The following INTS2 variants were observed in gnomAD, a reference collection of about 807,000 sequenced individuals.
INTS2 encodes KIAA1287.
A neutral mutation model predicts 139.6 loss-of-function variants in INTS2; 57 were observed. That is an observed-to-expected ratio of 0.41 (90% CI 0.33 to 0.51). The LOEUF (loss-of-function observed/expected upper bound fraction) is 0.51, where lower values mean the gene tolerates loss of function less well. Ranked by LOEUF, INTS2 falls within the 20% of genes least tolerant of loss-of-function variation. The probability of loss-of-function intolerance (pLI) is 0.28; values close to 1 mark genes in which losing one functional copy is unlikely to be tolerated. For synonymous variants in INTS2, 473 were observed against 493.4 expected (o/e 0.96, Z 0.55); for missense variants, 1,196 against 1,436.7 (o/e 0.83, Z 2.71).
At chr17:61,895,451 T>C (rs1284828429) in intron 11 of INTS2, 68 bp from the exon 12 acceptor site, 1 of 898,436 alleles carries the variant, frequency 1.1e-6, no homozygotes, top group African/African-American at 1.7e-5. Context: ...CTAGGGAACT[T>C]ATCTAAAATG....
intron 16 of INTS2, among the ~76,000 whole-genome samples, chr17:61,883,412 C>T (rs367689901): frequency 6.6e-6 from 1 of 150,598 alleles, no homozygotes; most frequent in Non-Finnish European, 1.5e-5. Context: ...ATCCGGTTAA[C>T]GATGAGCAAT....
intron 2 of INTS2, 116 bp downstream of exon 2, chr17:61,926,235 TA>T: frequency 1.2e-6 from 1 of 806,916 alleles, no homozygotes. Flanking sequence ...AAGACCTAAG[TA>T]AAATGCTCTC....
At chr17:61,900,850 C>G (rs571390337) in intron 9 of INTS2, among the ~76,000 whole-genome samples, 2 of 152,080 alleles carry the variant, frequency 1.3e-5, no homozygotes, top group Non-Finnish European at 2.9e-5. Flanking sequence ...CCCAGCTACT[C>G]GGGAGGCTAA....
At chr17:61,924,380 G>A (rs968888730) in intron 3 of INTS2, among the ~76,000 whole-genome samples, 1 of 152,162 alleles carries the variant, frequency 6.6e-6, no homozygotes, top group Non-Finnish European at 1.5e-5. Flanking sequence ...AAGCCACTGT[G>A]TATGGATTCC....
chr17:61,897,248 A>G lies in INTS2; in HGVS notation c.1494+221T>C, dbSNP rs2145936698. On this transcript the variant is annotated intron_variant, in intron 11 of 24. Coordinates refer to ENST00000251334, the MANE Select transcript of INTS2 (RefSeq NM_001351695.2). The surrounding 1 kb of genome is among the most constrained non-coding windows in gnomAD (Gnocchi z 4.4). Reference sequence around the variant, plus strand: ...CTAGGTATCTCTGAATCATGGAATTATAAGATATCTTTCCCTTTTCTGTGC... The same window carrying G: ...CTAGGTATCTCTGAATCATGGAATTGTAAGATATCTTTCCCTTTTCTGTGC... Among the ~76,000 whole-genome samples the G allele has an allele frequency of 6.6e-6, 1 of 152,318 alleles. No individual in the cohort carries two copies. Among genetic ancestry groups the G allele is most frequent in the South Asian group, 2.1e-4 (1 of 4,826 alleles).
chr17:61,878,911 T>G (rs1322226059), intron 17 of INTS2, among the ~76,000 whole-genome samples: 1 of 99,874 alleles, frequency 1.0e-5, no homozygotes, highest in Admixed American at 1.6e-4. Context: ...ACCTTGAGAC[T>G]GGGCAACAGA....
intron 8 of INTS2, among the ~76,000 whole-genome samples, chr17:61,906,776 G>C (rs2079467615): frequency 6.7e-6 from 1 of 149,932 alleles, no homozygotes; most frequent in African/African-American, 2.5e-5. Context: ...CCTGAGGTAA[G>C]GAGTTCAAGA....
chr17:61,899,911 A>C (rs1411277855), intron 9 of INTS2, among the ~76,000 whole-genome samples: 1 of 27,884 alleles, frequency 3.6e-5, no homozygotes, highest in Non-Finnish European at 5.6e-5. Flanking sequence ...GATCCTATCT[A>C]AAAAAAAAAA....
At chr17:61,919,094 T>A (rs2079612655) in intron 5 of INTS2, among the ~76,000 whole-genome samples, 1 of 152,094 alleles carries the variant, frequency 6.6e-6, no homozygotes, top group South Asian at 2.1e-4. Context: ...CCAGCTAATT[T>A]TTGTATTTTT....
rs2079212816 is a variant in INTS2 at position 61,884,986 on chromosome 17, G to C, written c.2004C>G (p.Pro668=). 1 of 1,599,400 alleles carries C rather than the reference G, an allele frequency of 6.3e-7. No homozygotes were observed. Among genetic ancestry groups the C allele is most frequent in the South Asian group, 1.1e-5 (1 of 88,510 alleles). Residue 668 remains proline, a synonymous_variant, in exon 16 of 25, where the codon CCC becomes CCG. Transcript: ENST00000251334. ...TKTLAAMQRK[P]KSYSSSLMDQ... Reference sequence around the variant, plus strand: ...CCATTAAAGAAGAAGAATATGATTTGGGCTTTCTTTGCATGGCAGCTATCA... The same window carrying C: ...CCATTAAAGAAGAAGAATATGATTTCGGCTTTCTTTGCATGGCAGCTATCA...
chr17:61,924,873 C>T (rs571757455), intron 3 of INTS2, 88 bp downstream of exon 3: 14 of 1,343,962 alleles, frequency 1.0e-5, no homozygotes, highest in Admixed American at 2.1e-5. Flanking sequence ...ATTCAACCTG[C>T]CTGACTTCTT....
In INTS2 at chr17:61,867,942, T is replaced by G; in HGVS notation, c.3312A>C (p.Arg1104=). The change falls in exon 24 of 25, where the codon CGA becomes CGC. Residue 1104 remains arginine (R), a synonymous_variant. Transcript: ENST00000251334. The surrounding 1 kb of genome is among the most constrained non-coding windows in gnomAD (Gnocchi z 5.6). ...TATCCTCATACAATGGAGGAAATGC[T>G]CGACAAAAAGAGACCAAACTTGGCA... The part of the protein sequence containing the change: ...PTLPSLVSFC[R]AFPPLYEDIM... 1 of 1,612,804 alleles carries G rather than the reference T, an allele frequency of 6.2e-7. No homozygotes were observed. The highest frequency in any genetic ancestry group is 8.5e-7 in the Non-Finnish European group (1 of 1,179,452).
intron 5 of INTS2, among the ~76,000 whole-genome samples, chr17:61,919,054 A>T (rs569540699): frequency 1.3e-5 from 2 of 151,470 alleles, no homozygotes; most frequent in African/African-American, 4.8e-5. Flanking sequence ...CCTCCCCAGT[A>T]GCTGGGACTA....
chr17:61,872,578 T>C lies in INTS2; in HGVS notation c.2583-118A>G, dbSNP rs2079098069. The C allele has an allele frequency of 1.9e-6, 1 of 536,246 alleles. No individual in the cohort carries two copies. Among genetic ancestry groups the C allele is most frequent in the Non-Finnish European group, 3.1e-6 (1 of 321,170 alleles). The allele number at this position is 536,246 out of a possible 1,614,324, so 33.2% of individuals were successfully genotyped here. ...AAAAACCTGAGTAGTACATACTAAC[T>C]TTTCCCACTAAAATATTCATTCTCA... On this transcript the variant is annotated intron_variant, in intron 19 of 24. Transcript: ENST00000251334. The surrounding 1 kb of genome is among the most constrained non-coding windows in gnomAD (Gnocchi z 4.8).
In INTS2 at chr17:61,882,787, C is replaced by T. The variant is rs1220659867; in HGVS notation, c.2090-1616G>A. On this transcript the variant is annotated intron_variant, in intron 16 of 24. Coordinates refer to ENST00000251334, the MANE Select transcript of INTS2 (RefSeq NM_001351695.2). The surrounding 1 kb of genome is among the most constrained non-coding windows in gnomAD (Gnocchi z 4.7). ...TAGTTAATGAATTAACGAAGTACTA[C>T]TATGCTAAGTGCTTCACACATAAGT... 6.6e-6 allele frequency among the ~76,000 whole-genome samples: 1 copy of T among 152,194 alleles called. No homozygotes were observed. Among genetic ancestry groups the T allele is most frequent in the Non-Finnish European group, 1.5e-5 (1 of 68,026 alleles).
intron 12 of INTS2, among the ~76,000 whole-genome samples, chr17:61,894,628 G>T (rs1177332811): frequency 6.6e-6 from 1 of 152,098 alleles, no homozygotes; most frequent in African/African-American, 2.4e-5. Context: ...GAGGTGGGTG[G>T]ATCACCTGAG....
At chr17:61,911,342 C>T (rs149394180) in intron 7 of INTS2, 178 bp downstream of exon 7, 37 of 453,134 alleles carry the variant, frequency 8.2e-5, no homozygotes, top group African/African-American at 3.0e-4. Context: ...AGAAAAAAAG[C>T]CACATAAACA....
rs763058850 is a variant in INTS2 at position 61,869,424 on chromosome 17, T to C, written c.3031-44A>G. On this transcript the variant is annotated intron_variant, in intron 21 of 24. Transcript: ENST00000251334. The surrounding 1 kb of genome is among the most constrained non-coding windows in gnomAD (Gnocchi z 5.4). Reference sequence around the variant, plus strand: ...GGAAAAAAGTCAGAAATAAAATAACTATAAAAGTACAGATAAAAATACAAA... The same window carrying C: ...GGAAAAAAGTCAGAAATAAAATAACCATAAAAGTACAGATAAAAATACAAA... 7.9e-7 allele frequency: 1 copy of C among 1,272,674 alleles called. No individual in the cohort carries two copies. The highest frequency in any genetic ancestry group is 1.3e-5 in the South Asian group (1 of 75,652). 78.8% of individuals were successfully genotyped at this position (1,272,674 alleles called of 1,614,324 possible).
In INTS2 at chr17:61,880,709, G is replaced by A. The variant is rs573969016; in HGVS notation, c.2254+298C>T. On this transcript the variant is annotated intron_variant, in intron 17 of 24. Transcript: ENST00000251334. ...GGAGGCTGCAGTGAGCTGAGATCAC[G>A]CCACTGCACTCCAGCCTGGGTGACA... 4.6e-4 allele frequency among the ~76,000 whole-genome samples: 70 copies of A among 150,612 alleles called. 1 individual carries two copies. The South Asian group carries it at 0.013, about 28-fold the overall frequency.
Sources: gnomAD v4.1 joint callset for allele counts (sites outside exome capture counted in the v4.1 genomes callset) on GRCh38, gnomAD v4.1.1 for gene constraint, Gnocchi (gnomAD v3.1) non-coding constraint, MANE v1.5 for transcripts, NCBI Gene and HGNC (gene_info 2026-07-23, HGNC 2026-07-21) for gene names.